NUP155: variants seen among roughly 807,000 people sequenced by gnomAD.
The protein encoded by NUP155 is nuclear pore complex protein Nup155.
A neutral mutation model predicts 180.4 loss-of-function variants in NUP155; 71 were observed. The ratio of observed to expected loss-of-function variants is 0.39; its 90% CI spans 0.33 to 0.48. The LOEUF (loss-of-function observed/expected upper bound fraction) is 0.48. Ranked by LOEUF, NUP155 falls within the 20% of genes least tolerant of loss-of-function variation. The pLI is 0.91. For missense variants in NUP155, 1,553 were observed against 1,648.9 expected, an observed-to-expected ratio of 0.94 and a Z score of 1.01; for synonymous variants, 582 against 559.5, an observed-to-expected ratio of 1.04 and a Z score of -0.57.
rs1017798542 is a variant in NUP155 at position 37,302,529 on chromosome 5, C to T, written c.3447+250G>A. On this transcript the variant is annotated intron_variant, in intron 29 of 34. Coordinates refer to ENST00000231498, the MANE Select transcript of NUP155 (RefSeq NM_153485.3). ...GATTACAGGCGTGAGCCACTGCACC[C>T]AGCTGGGAAAAACCTTTCGAAGTGC... Among the ~76,000 whole-genome samples, 5 of 152,318 alleles carry T rather than the reference C, an allele frequency of 3.3e-5. No homozygotes were observed. The South Asian group carries it at 8.3e-4, about 25-fold the overall frequency.
intron 12 of NUP155, among the ~76,000 whole-genome samples, chr5:37,337,540 C>G (rs1745411898): frequency 6.6e-6 from 1 of 151,696 alleles, no homozygotes; most frequent in South Asian, 2.1e-4. Flanking sequence ...AAAAAAAAGA[C>G]AACTTCAAAA....
At chr5:37,326,623 T>C (rs1003397091) in intron 18 of NUP155, among the ~76,000 whole-genome samples, 2 of 152,188 alleles carry the variant, frequency 1.3e-5, no homozygotes, top group Admixed American at 1.3e-4. Flanking sequence ...TGAGAAACCA[T>C]GTAGAGAACA....
rs150591639 is a variant in NUP155, at chr5:37,312,454, G to A, written c.2437-1711C>T. Among the ~76,000 whole-genome samples, 588 of 151,700 alleles carry A rather than the reference G, an allele frequency of 3.9e-3. 7 individuals carry two copies. The highest frequency in any genetic ancestry group is 0.011 in the African/African-American group (455 of 41,380). The stretch of plus-strand genomic sequence containing the variant: ...CTGGATTTCTACAAGGCAACAGCAA[G>A]GAAAAGAAAAAGAAGGAAAGACTGC... On this transcript the variant is annotated intron_variant, in intron 22 of 34. Coordinates refer to ENST00000231498, the MANE Select transcript of NUP155 (RefSeq NM_153485.3).
intron 3 of NUP155, among the ~76,000 whole-genome samples, chr5:37,362,281 T>C (rs904130480): frequency 6.6e-6 from 1 of 152,018 alleles, no homozygotes; most frequent in South Asian, 2.1e-4. Context: ...ATGTAAAAAA[T>C]TTCATTAGTG....
chr5:37,300,186 G>A (rs546597478), intron 30 of NUP155, among the ~76,000 whole-genome samples: 1 of 152,112 alleles, frequency 6.6e-6, no homozygotes, highest in Non-Finnish European at 1.5e-5. Flanking sequence ...GTAGGTGTAT[G>A]TATTTATGGG....
At chr5:37,321,609 C>G (rs1428101994) in intron 20 of NUP155, among the ~76,000 whole-genome samples, 1 of 149,790 alleles carries the variant, frequency 6.7e-6, no homozygotes. Context: ...CCCAGCTACT[C>G]GGGAGGCTGA....
intron 25 of NUP155, among the ~76,000 whole-genome samples, chr5:37,307,094 A>T (rs1291215013): frequency 6.7e-6 from 1 of 148,812 alleles, no homozygotes; most frequent in Non-Finnish European, 1.5e-5. Flanking sequence ...GCTACATGGG[A>T]GGCTGAGGCA....
chr5:37,322,271 G>C (rs1159312071), intron 20 of NUP155, among the ~76,000 whole-genome samples: 1 of 152,184 alleles, frequency 6.6e-6, no homozygotes, highest in Non-Finnish European at 1.5e-5. Context: ...ATAGGTGTGA[G>C]CCACTCTGCC....
chr5:37,344,301 C>A (rs1379110054), intron 9 of NUP155, among the ~76,000 whole-genome samples: 3 of 146,086 alleles, frequency 2.1e-5, no homozygotes, highest in Non-Finnish European at 4.5e-5. Context: ...AAGATAGCAC[C>A]ATGGCACTCC....
rs1742121496 is a variant in NUP155 at position 37,288,771 on chromosome 5, A to AGGGGGGGTTGG, written c.*3128_*3129insCCAACCCCCCC. ...TTAAAAAAAAAAAAAAAAAAAAAGTAGGGGGGGTGGGGCTAGGCGCAGTGG... is the reference window on the plus strand; with the variant it reads ...TTAAAAAAAAAAAAAAAAAAAAAGTAGGGGGGGTTGGGGGGGGGTGGGGCTAGGCGCAGTGG... On this transcript the variant is annotated 3_prime_UTR_variant, in exon 35 of 35. Coordinates refer to ENST00000231498, the MANE Select transcript of NUP155 (RefSeq NM_153485.3). 1.7e-5 allele frequency: 1 copy of AGGGGGGGTTGG among 57,650 alleles called. No homozygotes were observed. The highest frequency in any genetic ancestry group is 2.4e-4 in the Admixed American group (1 of 4,218). 3.6% of individuals were successfully genotyped at this position (57,650 alleles called of 1,614,324 possible). A position where few individuals can be genotyped will look rare whatever the true frequency, so the allele number is the denominator to read the frequency against.
Position 37,291,931 on chromosome 5 carries a change from G to C in NUP155, c.4145C>G (p.Ser1382Cys). 1 of 1,614,048 alleles carries C rather than the reference G, an allele frequency of 6.2e-7. No homozygotes were observed. The highest frequency in any genetic ancestry group is 8.5e-7 in the Non-Finnish European group (1 of 1,179,932). The change falls in exon 35 of 35, where the codon TCT becomes TGT. Residue 1382 changes from serine (S) to cysteine (C), a missense_variant. Transcript: ENST00000231498. Reference protein sequence around the residue: ...AVQAITGNFKSLQAKLERLH With the variant: ...AVQAITGNFKCLQAKLERLH ...AAGCCGTTCTAATTTAGCTTGAAGA[G>C]ATTTAAAATTCCCAGTGATGGCTTG...
chr5:37,355,533 A>ATGTG (rs530957145), intron 4 of NUP155, among the ~76,000 whole-genome samples: 2,550 of 147,974 alleles, frequency 0.017, 57 homozygotes, highest in African/African-American at 0.054. Context: ...CGGTTAAAGA[A>ATGTG]TGTGTGTGTG....
intron 1 of NUP155, among the ~76,000 whole-genome samples, chr5:37,369,404 C>T (rs772315950): frequency 6.6e-5 from 10 of 152,130 alleles, no homozygotes; most frequent in South Asian, 2.1e-4. Context: ...GGGCTTCTTA[C>T]GGAAAATATG....
At chr5:37,341,422 C>T (rs546753186) in intron 10 of NUP155, among the ~76,000 whole-genome samples, 180 bp from the exon 11 acceptor site, 6 of 152,332 alleles carry the variant, frequency 3.9e-5, no homozygotes, top group Non-Finnish European at 8.8e-5. Context: ...AGTGCAGTGG[C>T]GCCATCTCGG....
At chr5:37,360,593 T>C (rs749985785) in intron 3 of NUP155, among the ~76,000 whole-genome samples, 10 of 150,468 alleles carry the variant, frequency 6.6e-5, no homozygotes, top group Non-Finnish European at 1.3e-4. Flanking sequence ...CGAGACCAGC[T>C]TGCCCAACCC....
At chr5:37,337,778 A>C (rs757022577) in intron 12 of NUP155, 40 bp downstream of exon 12, 5 of 1,251,032 alleles carry the variant, frequency 4.0e-6, no homozygotes, top group Non-Finnish European at 4.7e-6. Flanking sequence ...TTCACTTAAA[A>C]TTATATAATA....
chr5:37,298,309 T>G (rs1019320717), intron 32 of NUP155, among the ~76,000 whole-genome samples: 2 of 152,012 alleles, frequency 1.3e-5, no homozygotes, highest in Non-Finnish European at 2.9e-5. Context: ...ACAAAAGTAG[T>G]TGATATTCTA....
chr5:37,349,258 CAAAAAAAA>C lies in NUP155; in HGVS notation c.830-21_830-14del. Reference sequence around the variant, plus strand: ...TGAAGAATAGGATCTAAAAGTAAGACAAAAAAAAAAAAGAGAAAAAAGTAAACCCAAGG... The same window carrying C: ...TGAAGAATAGGATCTAAAAGTAAGACAAAAGAGAAAAAAGTAAACCCAAGG... On this transcript the variant is annotated splice_polypyrimidine_tract_variant and intron_variant, in intron 7 of 34. Transcript: ENST00000231498. The C allele has an allele frequency of 1.8e-6, 1 of 544,414 alleles. No homozygotes were observed. Among genetic ancestry groups the C allele is most frequent in the Non-Finnish European group, 2.9e-6 (1 of 342,616 alleles). 33.7% of individuals were successfully genotyped at this position (544,414 alleles called of 1,614,324 possible).
rs560575943 is a variant in NUP155, at chr5:37,323,872, T to C, written c.2207+120A>G. The stretch of plus-strand genomic sequence containing the variant: ...GGTGATGGTTGCATAACCTTGTAGA[T>C]ACACTAAAAAATACTAAACTGCACA... On this transcript the variant is annotated intron_variant, in intron 20 of 34. Coordinates refer to ENST00000231498, the MANE Select transcript of NUP155 (RefSeq NM_153485.3). 297 of 706,676 alleles carry C rather than the reference T, an allele frequency of 4.2e-4. 1 individual carries two copies. The highest frequency in any genetic ancestry group is 6.3e-4 in the South Asian group (40 of 63,318). 43.8% of individuals were successfully genotyped at this position (706,676 alleles called of 1,614,324 possible).
Sources: gnomAD v4.1 joint callset for allele counts (sites outside exome capture counted in the v4.1 genomes callset) on GRCh38, gnomAD v4.1.1 for gene constraint, MANE v1.5 for transcripts, NCBI Gene and HGNC (gene_info 2026-07-23, HGNC 2026-07-21) for gene names.